The following PHACTR4 variants were observed in gnomAD, a reference collection of about 807,000 sequenced individuals.
The protein encoded by PHACTR4 is phosphatase and actin regulator 4.
In PHACTR4, 51 loss-of-function variants were observed where a neutral mutation model predicts 72.7. The observed-to-expected ratio is 0.70, with a 90% CI of 0.56 to 0.89. The LOEUF (loss-of-function observed/expected upper bound fraction) is 0.89, where lower values mean the gene tolerates loss of function less well. Among genes scored for constraint, PHACTR4 ranks in the 40% least tolerant of loss-of-function variants. The probability of loss-of-function intolerance (pLI) is 0.00; values close to 1 mark genes in which losing one functional copy is unlikely to be tolerated. For synonymous variants in PHACTR4, 255 were observed against 302.5 expected (o/e 0.84, Z 1.63); for missense variants, 731 against 861.8 (o/e 0.85, Z 1.90).
At chr1:28,393,111 G>C (rs1653186997) in intron 1 of PHACTR4, among the ~76,000 whole-genome samples, 1 of 151,996 alleles carries the variant, frequency 6.6e-6, no homozygotes, top group Non-Finnish European at 1.5e-5. Context: ...CTGTATTTCT[G>C]AATGTCATTT....
At chr1:28,406,980 C>A (rs1219661395) in intron 1 of PHACTR4, among the ~76,000 whole-genome samples, 4 of 152,026 alleles carry the variant, frequency 2.6e-5, no homozygotes, top group African/African-American at 9.7e-5. Flanking sequence ...AAAAAACTTG[C>A]CTTTTTCCCT....
chr1:28,469,935 T>A (rs1659457914), intron 6 of PHACTR4, among the ~76,000 whole-genome samples: 1 of 151,708 alleles, frequency 6.6e-6, no homozygotes, highest in African/African-American at 2.4e-5. Context: ...TGCATGCCTA[T>A]AATCCCAGCT....
At chr1:28,439,773 A>T (rs1196336782) in intron 2 of PHACTR4, among the ~76,000 whole-genome samples, 1 of 151,908 alleles carries the variant, frequency 6.6e-6, no homozygotes, top group Non-Finnish European at 1.5e-5. Context: ...AGAATTAAAC[A>T]CTCTCCTATA....
At chr1:28,380,252 T>C (rs1363460136) in intron 1 of PHACTR4, among the ~76,000 whole-genome samples, 4 of 150,638 alleles carry the variant, frequency 2.7e-5, no homozygotes, top group Non-Finnish European at 4.4e-5. Flanking sequence ...GAGACGGGGT[T>C]TCACTGTGTT....
intron 10 of PHACTR4, 114 bp downstream of exon 10, chr1:28,489,339 A>G (rs1660896621): frequency 3.7e-6 from 3 of 810,990 alleles, no homozygotes; most frequent in Non-Finnish European, 5.8e-6. Context: ...AGAGTGTTCC[A>G]GCCAGGCAAG....
intron 6 of PHACTR4, 124 bp from the exon 7 acceptor site, chr1:28,473,430 A>G (rs1157919270): frequency 5.3e-6 from 4 of 759,730 alleles, no homozygotes; most frequent in Non-Finnish European, 8.8e-6. Context: ...GAATGGCAAA[A>G]CTATGAAATT....
chr1:28,470,832 T>G (rs1659512766), intron 6 of PHACTR4, among the ~76,000 whole-genome samples: 1 of 151,916 alleles, frequency 6.6e-6, no homozygotes, highest in Non-Finnish European at 1.5e-5. Flanking sequence ...AAGACCAGCC[T>G]GGGCAGCATA....
chr1:28,450,903 C>A (rs758864606), intron 2 of PHACTR4, among the ~76,000 whole-genome samples: 1 of 149,814 alleles, frequency 6.7e-6, no homozygotes, highest in Non-Finnish European at 1.5e-5. Flanking sequence ...CTCTGCCTCC[C>A]GGGTTCAAGA....
chr1:28,415,810 C>A, intron 2 of PHACTR4, among the ~76,000 whole-genome samples: 1 of 152,160 alleles, frequency 6.6e-6, no homozygotes, highest in South Asian at 2.1e-4. Context: ...ATAATACCTC[C>A]TTTTGATTAG....
intron 1 of PHACTR4, among the ~76,000 whole-genome samples, chr1:28,370,606 G>T (rs1246891794): frequency 2.7e-5 from 2 of 73,306 alleles, no homozygotes; most frequent in Admixed American, 1.2e-4. Flanking sequence ...ATCACTGATT[G>T]CTTGCAAAAA....
intron 1 of PHACTR4, among the ~76,000 whole-genome samples, chr1:28,378,308 C>A (rs1276397472): frequency 2.0e-5 from 3 of 149,452 alleles, no homozygotes; most frequent in Middle Eastern, 6.9e-3. Flanking sequence ...TCGAGACCAG[C>A]CTGGCTAACA....
intron 2 of PHACTR4, among the ~76,000 whole-genome samples, chr1:28,418,315 A>T (rs192764365): frequency 0.011 from 1,589 of 149,600 alleles, 28 homozygotes; most frequent in African/African-American, 0.038. Context: ...ATACAAAAAA[A>T]AAAAATAATA....
chr1:28,436,168 A>G (rs920790700), intron 2 of PHACTR4, among the ~76,000 whole-genome samples: 2 of 152,216 alleles, frequency 1.3e-5, no homozygotes, highest in Non-Finnish European at 2.9e-5. Flanking sequence ...AAGTACAGGA[A>G]AGTTCAGATG....
At chr1:28,408,686 T>C (rs942536631) in intron 2 of PHACTR4, among the ~76,000 whole-genome samples, 2 of 151,282 alleles carry the variant, frequency 1.3e-5, no homozygotes, top group Non-Finnish European at 3.0e-5. Flanking sequence ...TTTTAATTTA[T>C]TTTTTTTGAG....
intron 8 of PHACTR4, among the ~76,000 whole-genome samples, chr1:28,476,985 G>A (rs972966855): frequency 3.3e-5 from 5 of 150,944 alleles, no homozygotes; most frequent in African/African-American, 1.2e-4. Flanking sequence ...GGTCAGACTG[G>A]TCTCAAACTC....
At chr1:28,449,265 A>G (rs1238068782) in intron 2 of PHACTR4, among the ~76,000 whole-genome samples, 1 of 152,144 alleles carries the variant, frequency 6.6e-6, no homozygotes, top group Non-Finnish European at 1.5e-5. Context: ...TTGAGGCTGC[A>G]CTGTGCCATG....
intron 2 of PHACTR4, among the ~76,000 whole-genome samples, chr1:28,421,042 T>A (rs1343126672): frequency 6.6e-6 from 1 of 152,178 alleles, no homozygotes; most frequent in East Asian, 1.9e-4. Context: ...GGACTTTATG[T>A]TCTTTTCTGT....
In PHACTR4 at chr1:28,466,445, C is replaced by A. The variant is rs757621637; in HGVS notation, c.500C>A (p.Pro167His). The A allele has an allele frequency of 1.2e-6, 2 of 1,614,140 alleles. No homozygotes were observed. Residue 167 changes from proline (P) to histidine (H), a missense_variant, in exon 6 of 14, where the codon CCT becomes CAT. Physicochemically the swap from Pro to His is moderately conservative, Grantham distance 77. This residue lies in a region of PHACTR4 where 621 missense variants were observed against 676.6 expected (regional missense o/e 0.92). Coordinates refer to ENST00000373839, the MANE Select transcript of PHACTR4 (RefSeq NM_001048183.3). ...GTTCCTGAGAATGTACCCAAACCAC[C>A]TTTACTTCCTCCCAAAAGACCCTTG... ...ESVPENVPKP[P>H]LLPPKRPLSS... is the part of the protein sequence containing the mutation.
intron 6 of PHACTR4, among the ~76,000 whole-genome samples, chr1:28,468,987 A>G (rs1002147967): frequency 1.5e-4 from 23 of 152,204 alleles, no homozygotes; most frequent in Non-Finnish European, 2.8e-4. Flanking sequence ...ATAGCCCAAA[A>G]CAATAGACCT....
Sources: gnomAD v4.1 joint callset for allele counts (sites outside exome capture counted in the v4.1 genomes callset) on GRCh38, gnomAD v4.1.1 for gene constraint, gnomAD v4.1.1 regional missense constraint, MANE v1.5 for transcripts, NCBI Gene and HGNC (gene_info 2026-07-23, HGNC 2026-07-21) for gene names.